The following DDX46 variants were observed in gnomAD, a reference collection of about 807,000 sequenced individuals.
DDX46 encodes DEAD-box helicase 46.
In DDX46, 30 loss-of-function variants were observed where a neutral mutation model predicts 134.9. The observed-to-expected ratio is 0.22, with a 90% CI of 0.17 to 0.30. The LOEUF is 0.30. Ranked by LOEUF, DDX46 falls within the 10% of genes least tolerant of loss-of-function variation. The pLI is 1.00. For synonymous variants in DDX46, 415 were observed against 404.1 expected, an observed-to-expected ratio of 1.03 and a Z score of -0.32; for missense variants, 622 against 1,248.7, an observed-to-expected ratio of 0.50 and a Z score of 7.56.
intron 6 of DDX46, 194 bp from the exon 7 acceptor site, chr5:134,780,939 C>T (rs754744817): frequency 1.3e-5 from 5 of 392,340 alleles, no homozygotes; most frequent in South Asian, 3.1e-5. Context: ...ACTGATGGGA[C>T]GAATCCTTGA....
intron 21 of DDX46, among the ~76,000 whole-genome samples, chr5:134,820,867 T>TTC (rs1157316410): frequency 1.1e-4 from 16 of 144,444 alleles, no homozygotes; most frequent in African/African-American, 3.7e-4. Context: ...TTCTTTTCTT[T>TTC]TTTTTTTTTT....
intron 2 of DDX46, among the ~76,000 whole-genome samples, chr5:134,764,661 G>T (rs1204965541): frequency 6.6e-6 from 1 of 152,098 alleles, no homozygotes; most frequent in Non-Finnish European, 1.5e-5. Flanking sequence ...CCCTCTGAGG[G>T]ACATACAAAA....
intron 15 of DDX46, among the ~76,000 whole-genome samples, chr5:134,805,588 G>T (rs1754961859): frequency 6.6e-6 from 1 of 151,728 alleles, no homozygotes; most frequent in Admixed American, 6.6e-5. Context: ...GAGTGCAGTG[G>T]CATGATCTTG....
chr5:134,787,409 C>G (rs1357581404), intron 11 of DDX46, among the ~76,000 whole-genome samples: 1 of 152,148 alleles, frequency 6.6e-6, no homozygotes, highest in Non-Finnish European at 1.5e-5. Flanking sequence ...TATTGTGTTG[C>G]TAGATAAATG....
chr5:134,785,295 C>A (rs1754297856), intron 10 of DDX46, among the ~76,000 whole-genome samples, 170 bp from the exon 11 acceptor site: 2 of 152,184 alleles, frequency 1.3e-5, no homozygotes, highest in Non-Finnish European at 2.9e-5. Context: ...ATTTATCCTT[C>A]CCCACAACCT....
intron 16 of DDX46, 69 bp downstream of exon 16, chr5:134,808,010 G>A: frequency 7.2e-7 from 1 of 1,387,480 alleles, no homozygotes. Context: ...GTATTTCAAG[G>A]AGTAGATAAT....
At chr5:134,826,110 C>T (rs1444724693) in intron 21 of DDX46, 1 of 152,194 alleles carries the variant, frequency 6.6e-6, no homozygotes, top group Admixed American at 6.5e-5. Context: ...CTGTGCCTTT[C>T]AGAGTCAGGA....
chr5:134,769,333 T>G (rs1753683781), intron 3 of DDX46, among the ~76,000 whole-genome samples: 1 of 144,946 alleles, frequency 6.9e-6, no homozygotes, highest in East Asian at 2.0e-4. Context: ...CAAGGTTTTT[T>G]TTTTTTTTTT....
At chr5:134,810,563 G>A (rs1177931242) in intron 16 of DDX46, among the ~76,000 whole-genome samples, 2 of 149,894 alleles carry the variant, frequency 1.3e-5, no homozygotes, top group Admixed American at 6.6e-5. Context: ...GGCTGGTCTC[G>A]ACCTTCTGAC....
intron 21 of DDX46, among the ~76,000 whole-genome samples, chr5:134,822,293 CA>C (rs1288042277): frequency 6.6e-6 from 1 of 152,188 alleles, no homozygotes; most frequent in Non-Finnish European, 1.5e-5. Flanking sequence ...TGCTCCTATA[CA>C]GTCCCATCTA....
intron 2 of DDX46, among the ~76,000 whole-genome samples, chr5:134,765,557 CAG>C (rs1580770186): frequency 6.6e-6 from 1 of 151,562 alleles, no homozygotes; most frequent in East Asian, 1.9e-4. Context: ...CATCTCAAAA[CAG>C]AAAAAAAGAA....
intron 3 of DDX46, among the ~76,000 whole-genome samples, chr5:134,770,518 A>G (rs1351076582): frequency 6.6e-6 from 1 of 152,134 alleles, no homozygotes; most frequent in Admixed American, 6.6e-5. Flanking sequence ...CCCACCTGTA[A>G]AAGTATTTTA....
chr5:134,760,857 G>C (rs565701150), intron 1 of DDX46, among the ~76,000 whole-genome samples: 2 of 151,866 alleles, frequency 1.3e-5, no homozygotes, highest in South Asian at 4.2e-4. Flanking sequence ...AGCCTCCCGA[G>C]TAGCTGGAAC....
At position 134,764,143 on chromosome 5, in the gene DDX46, G is replaced by A. The variant is rs769650345; in HGVS notation, c.206+51G>A. On this transcript the variant is annotated intron_variant, in intron 2 of 22. Transcript: ENST00000452510. Reference sequence around the variant, plus strand: ...GACGAGTGATAAATTGGGCCTTCTCGGCTATAGCAGGCTTCTTGAAAAGTA... The same window carrying A: ...GACGAGTGATAAATTGGGCCTTCTCAGCTATAGCAGGCTTCTTGAAAAGTA... The A allele has an allele frequency of 1.2e-5, 18 of 1,516,400 alleles. No homozygotes were observed. The East Asian group carries it at 2.1e-4, about 17-fold the overall frequency. 93.9% of individuals were successfully genotyped at this position (1,516,400 alleles called of 1,614,324 possible).
intron 18 of DDX46, among the ~76,000 whole-genome samples, chr5:134,814,677 C>A (rs748826445): frequency 6.6e-6 from 1 of 152,158 alleles, no homozygotes; most frequent in Admixed American, 6.5e-5. Context: ...AGTAAAGTGG[C>A]GTGATCTTGG....
At position 134,777,623 on chromosome 5, in the gene DDX46, G is replaced by C. The variant is rs768481059; in HGVS notation, c.663G>C (p.Glu221Asp). 1 of 1,613,674 alleles carries C rather than the reference G, an allele frequency of 6.2e-7. No homozygotes were observed. The highest frequency in any genetic ancestry group is 1.1e-5 in the South Asian group (1 of 91,024). The change falls in exon 6 of 23, where the codon GAG (glutamate) becomes GAC (aspartate). Residue 221 changes from glutamate (E) to aspartate (D), a missense_variant. Glu to Asp is a conservative substitution (Grantham distance 45, BLOSUM62 2). Transcript: ENST00000452510. ...CTGAAAAGGAGGGAAATGAAATGGA[G>C]GGTGAGGAGTTAGATCCATTAGATG... is the stretch of plus-strand genomic sequence containing the variant. The part of the protein sequence containing the change: ...AEAEKEGNEM[E>D]GEELDPLDAY...
intron 2 of DDX46, among the ~76,000 whole-genome samples, chr5:134,765,381 T>TAAAA (rs751912543): frequency 1.0e-5 from 1 of 97,294 alleles, no homozygotes. Context: ...CCGTCTCTAC[T>TAAAA]AAAAAAAAAA....
At chr5:134,781,066 T>C in intron 6 of DDX46, 67 bp from the exon 7 acceptor site, 1 of 1,099,400 alleles carries the variant, frequency 9.1e-7, no homozygotes, top group Non-Finnish European at 1.3e-6. Context: ...AGTTACTGTG[T>C]GCTTCAGCAG....
At chr5:134,767,134 T>TC in intron 3 of DDX46, 74 bp downstream of exon 3, 2 of 1,425,690 alleles carry the variant, frequency 1.4e-6, no homozygotes, top group Non-Finnish European at 1.9e-6. Context: ...TTTTTTTTTT[T>TC]CCCTGTAAGT....
Sources: gnomAD v4.1 joint callset for allele counts (sites outside exome capture counted in the v4.1 genomes callset) on GRCh38, gnomAD v4.1.1 for gene constraint, MANE v1.5 for transcripts, NCBI Gene and HGNC (gene_info 2026-07-23, HGNC 2026-07-21) for gene names.